The following FAM222A variants were observed in gnomAD, a reference collection of about 807,000 sequenced individuals.
FAM222A encodes the protein protein FAM222A.
FAM222A carries 7 observed loss-of-function variants against 25.8 expected under a neutral mutation model. The ratio of observed to expected loss-of-function variants is 0.27; its 90% CI spans 0.15 to 0.51. FAM222A has a LOEUF of 0.51. FAM222A is among the 20% of genes least tolerant of loss of function. The pLI is 0.97. For missense variants in FAM222A, 573 were observed against 640.5 expected (o/e 0.89, Z 1.14); for synonymous variants, 294 against 298.8 (o/e 0.98, Z 0.17).
chr12:109,760,450 A>T (rs552570746), intron 2 of FAM222A, among the ~76,000 whole-genome samples: 1 of 152,144 alleles, frequency 6.6e-6, no homozygotes, highest in South Asian at 2.1e-4. Context: ...GGGATGGAGG[A>T]CCTGGGCTCA....
chr12:109,755,421 C>T (rs555534643), intron 2 of FAM222A, among the ~76,000 whole-genome samples: 1 of 148,360 alleles, frequency 6.7e-6, no homozygotes, highest in Non-Finnish European at 1.5e-5. Context: ...CTCTGCCTCC[C>T]GAGTTCAAGT....
intron 1 of FAM222A, among the ~76,000 whole-genome samples, chr12:109,725,289 C>T (rs765073203): frequency 3.9e-5 from 6 of 152,128 alleles, no homozygotes; most frequent in East Asian, 1.9e-4. Flanking sequence ...CCAGACCTTG[C>T]GCAGTGAGTG....
Position 109,768,106 on chromosome 12 carries a change from C to G in FAM222A, c.177C>G (p.Ser59=). 6.2e-7 allele frequency: 1 copy of G among 1,614,044 alleles called. No homozygotes were observed. The highest frequency in any genetic ancestry group is 8.5e-7 in the Non-Finnish European group (1 of 1,180,038). The change falls in exon 3 of 3, where the codon TCC becomes TCG. Residue 59 remains serine (S), a synonymous_variant. Transcript: ENST00000538780. The part of the protein sequence containing the change: ...YAEKVANSPL[S]IKIFPTNIRV... Reference sequence around the variant, plus strand: ...AGAAGGTGGCCAACAGCCCGCTGTCCATCAAGATCTTCCCCACCAACATCC... The same window carrying G: ...AGAAGGTGGCCAACAGCCCGCTGTCGATCAAGATCTTCCCCACCAACATCC...
rs990115381 is a variant in FAM222A, at chr12:109,769,456, C to G, written c.*168C>G. The G allele has an allele frequency of 5.9e-5, 49 of 830,112 alleles. No individual in the cohort carries two copies. The highest frequency in any genetic ancestry group is 8.6e-5 in the Non-Finnish European group (47 of 547,162). The allele number at this position is 830,112 out of a possible 1,614,324, so 51.4% of individuals were successfully genotyped here. A position where few individuals can be genotyped will look rare whatever the true frequency, so the allele number is the denominator to read the frequency against. Reference sequence around the variant, plus strand: ...CTCGCTGTGGCCGGATGGAGGGTGGCAGGGCAACCTCACATACCAAGGCCC... The same window carrying G: ...CTCGCTGTGGCCGGATGGAGGGTGGGAGGGCAACCTCACATACCAAGGCCC... On this transcript the variant is annotated 3_prime_UTR_variant, in exon 3 of 3. Coordinates refer to ENST00000538780, the MANE Select transcript of FAM222A (RefSeq NM_032829.3).
chr12:109,733,732 C>T (rs990772816), intron 1 of FAM222A, among the ~76,000 whole-genome samples: 4 of 152,140 alleles, frequency 2.6e-5, no homozygotes, highest in Admixed American at 6.5e-5. Flanking sequence ...TATCAGACAG[C>T]ACTGGTATAG....
At chr12:109,764,363 C>T (rs1193043977) in intron 2 of FAM222A, among the ~76,000 whole-genome samples, 3 of 152,148 alleles carry the variant, frequency 2.0e-5, no homozygotes, top group Admixed American at 2.0e-4. Flanking sequence ...CACATGGGGG[C>T]AAAATGCCCC....
intron 1 of FAM222A, among the ~76,000 whole-genome samples, chr12:109,739,827 A>G (rs926092033): frequency 6.6e-5 from 10 of 152,210 alleles, no homozygotes; most frequent in African/African-American, 2.4e-4. Flanking sequence ...CCTTGCACAG[A>G]TGGCCTTCCC....
At chr12:109,734,477 TC>T (rs988794443) in intron 1 of FAM222A, 34 of 151,734 alleles carry the variant, frequency 2.2e-4, no homozygotes, top group African/African-American at 8.2e-4. Context: ...TTCCTGTCTC[TC>T]CCGGCACCCG....
intron 1 of FAM222A, among the ~76,000 whole-genome samples, chr12:109,736,904 G>A (rs928100703): frequency 1.3e-5 from 2 of 152,116 alleles, no homozygotes; most frequent in African/African-American, 2.4e-5. Flanking sequence ...CACTTCCTGA[G>A]GCCCACCCTG....
At chr12:109,745,173 G>A (rs760375704) in intron 2 of FAM222A, among the ~76,000 whole-genome samples, 1 of 152,134 alleles carries the variant, frequency 6.6e-6, no homozygotes, top group Non-Finnish European at 1.5e-5. Context: ...CAGCTTCCTG[G>A]GTGTCCTTCC....
chr12:109,733,879 G>A (rs1888008774), intron 1 of FAM222A, among the ~76,000 whole-genome samples: 1 of 152,098 alleles, frequency 6.6e-6, no homozygotes, highest in South Asian at 2.1e-4. Context: ...GATAGACATT[G>A]GGAAAGGGAT....
Position 109,768,244 on chromosome 12 carries a change from T to C in FAM222A, c.315T>C (p.Ile105=). 1 of 1,610,356 alleles carries C rather than the reference T, an allele frequency of 6.2e-7. No homozygotes were observed. Among genetic ancestry groups the C allele is most frequent in the Non-Finnish European group, 8.5e-7 (1 of 1,178,824 alleles). Residue 105 remains isoleucine, a synonymous_variant, in exon 3 of 3, where the codon ATT becomes ATC. Coordinates refer to ENST00000538780, the MANE Select transcript of FAM222A (RefSeq NM_032829.3). ...CTGGCTACCAGGGCCTTCTGGCCAT[T>C]GTCAAGGCCGCGGTTTCCTCCTCCA... ...HTAGYQGLLA[I]VKAAVSSSST... is the part of the protein sequence containing the mutation.
At chr12:109,745,737 C>T (rs1204368569) in intron 2 of FAM222A, among the ~76,000 whole-genome samples, 1 of 152,312 alleles carries the variant, frequency 6.6e-6, no homozygotes, top group Non-Finnish European at 1.5e-5. Context: ...AACTCCTGGC[C>T]TCATGCCATC....
chr12:109,759,594 G>T (rs1377616703), intron 2 of FAM222A, among the ~76,000 whole-genome samples: 1 of 152,182 alleles, frequency 6.6e-6, no homozygotes, highest in African/African-American at 2.4e-5. Flanking sequence ...CTTAATGGCA[G>T]CGGCAGTTCG....
chr12:109,768,040 C>T lies in FAM222A; in HGVS notation c.111C>T (p.Ser37=), dbSNP rs1341603353. 2 of 1,613,574 alleles carry T rather than the reference C, an allele frequency of 1.2e-6. No individual in the cohort carries two copies. Among genetic ancestry groups the T allele is most frequent in the Non-Finnish European group, 1.7e-6 (2 of 1,180,002 alleles). Residue 37 remains serine (S), a synonymous_variant, in exon 3 of 3, where the codon TCC becomes TCT. Transcript: ENST00000538780. ...KCEAVASAMH[S]SRYPSPAELD... is the part of the protein sequence containing the mutation. ...AGGCGGTGGCCAGCGCCATGCATTC[C>T]TCCCGCTACCCGAGCCCAGCAGAAC...
intron 2 of FAM222A, among the ~76,000 whole-genome samples, chr12:109,764,221 T>TAAAAAA (rs1565847960): frequency 1.0e-4 from 1 of 9,870 alleles, no homozygotes; most frequent in Non-Finnish European, 2.7e-4. Context: ...GACCCTGTCT[T>TAAAAAA]CAAAAAAAAA....
intron 1 of FAM222A, among the ~76,000 whole-genome samples, chr12:109,726,064 G>A (rs1170083561): frequency 5.6e-5 from 8 of 143,520 alleles, no homozygotes; most frequent in South Asian, 2.2e-4. Flanking sequence ...CTCCTGCCCC[G>A]TTCTCTGTAG....
chr12:109,768,118 C>T lies in FAM222A; in HGVS notation c.189C>T (p.Phe63=). The change falls in exon 3 of 3, where the codon TTC becomes TTT. Residue 63 remains phenylalanine (F), a synonymous_variant. Coordinates refer to ENST00000538780, the MANE Select transcript of FAM222A (RefSeq NM_032829.3). ...ACAGCCCGCTGTCCATCAAGATCTT[C>T]CCCACCAACATCCGTGTGCCCCAGC... The part of the protein sequence containing the change: ...VANSPLSIKI[F]PTNIRVPQHK... 1 of 1,614,054 alleles carries T rather than the reference C, an allele frequency of 6.2e-7. No homozygotes were observed. Among genetic ancestry groups the T allele is most frequent in the Non-Finnish European group, 8.5e-7 (1 of 1,180,030 alleles).
intron 1 of FAM222A, 168 bp from the exon 2 acceptor site, chr12:109,743,933 T>C (rs1888315129): frequency 1.0e-6 from 1 of 985,280 alleles, no homozygotes; most frequent in African/African-American, 1.7e-5. Flanking sequence ...GATGGGCCTC[T>C]TGATGCCTCA....
Sources: allele counts gnomAD v4.1 joint callset (sites outside exome capture counted in the v4.1 genomes callset), GRCh38; gene constraint gnomAD v4.1.1; transcripts MANE v1.5; gene names NCBI Gene and HGNC (gene_info 2026-07-23, HGNC 2026-07-21).